ACYP2: variants seen among roughly 807,000 people sequenced by gnomAD.
ACYP2 encodes acylphosphatase-2.
In ACYP2, 12 loss-of-function variants were observed where a neutral mutation model predicts 11.2. That is an observed-to-expected ratio of 1.08 (90% CI 0.69 to 1.74). The LOEUF (loss-of-function observed/expected upper bound fraction) is 1.74. Among genes scored for constraint, ACYP2 ranks in the 40% most tolerant of loss-of-function variants. The probability of loss-of-function intolerance (pLI) is 0.00; values close to 1 mark genes in which losing one functional copy is unlikely to be tolerated. For missense variants in ACYP2, 134 were observed against 101.9 expected (o/e 1.31, Z -1.35); for synonymous variants, 43 against 32.2 (o/e 1.33, Z -1.13).
At chr2:54,250,365 C>G (rs764340441) in intron 6 of ACYP2, among the ~76,000 whole-genome samples, 9 of 150,600 alleles carry the variant, frequency 6.0e-5, no homozygotes, top group Admixed American at 2.7e-4. Flanking sequence ...CCCAGCTACT[C>G]AGGAGGCTGA....
intron 6 of ACYP2, among the ~76,000 whole-genome samples, chr2:54,176,977 A>G (rs1028252318): frequency 1.3e-5 from 2 of 152,166 alleles, no homozygotes; most frequent in Admixed American, 6.5e-5. Context: ...ACTCTTCCCA[A>G]GGGCACTTCA....
Position 54,304,780 on chromosome 2 carries a change from C to G in ACYP2, c.497C>G (p.Ser166Cys), listed in dbSNP as rs748746138. 15 of 1,605,288 alleles carry G rather than the reference C, an allele frequency of 9.3e-6. No individual in the cohort carries two copies. Among genetic ancestry groups the G allele is most frequent in the Non-Finnish European group, 1.2e-5 (14 of 1,174,320 alleles). The change falls in exon 7 of 7, where the codon TCT (serine) becomes TGT (cysteine). Residue 166 changes from serine to cysteine, a missense_variant. Ser to Cys is a moderately radical substitution (Grantham distance 112). Transcript: ENST00000607452. ...AAAACCATCTCTAAGCTTGAATACT[C>G]TAATTTTAGTATTAGATACTAATAG...
chr2:54,161,218 A>G (rs1199083860), intron 6 of ACYP2, among the ~76,000 whole-genome samples: 1 of 152,328 alleles, frequency 6.6e-6, no homozygotes, highest in African/African-American at 2.4e-5. Context: ...GATACAGCCA[A>G]TCTGCATATC....
At chr2:54,239,725 T>G (rs747798433) in intron 6 of ACYP2, among the ~76,000 whole-genome samples, 1 of 152,136 alleles carries the variant, frequency 6.6e-6, no homozygotes, top group Non-Finnish European at 1.5e-5. Context: ...TTTAATATGA[T>G]TCTTACTTTA....
At chr2:53,971,654 A>G (rs1671127607) in intron 1 of ACYP2, among the ~76,000 whole-genome samples, 1 of 152,232 alleles carries the variant, frequency 6.6e-6, no homozygotes, top group African/African-American at 2.4e-5. Context: ...CGTGAATTAC[A>G]AGATAATGCT....
At chr2:54,200,565 G>T (rs1371574774) in intron 6 of ACYP2, among the ~76,000 whole-genome samples, 1 of 151,990 alleles carries the variant, frequency 6.6e-6, no homozygotes, top group African/African-American at 2.4e-5. Flanking sequence ...TGTTTTCAAG[G>T]TTTATTCATG....
rs1289389458 is a variant in ACYP2 at position 54,015,872 on chromosome 2, C to G, written c.63-35086C>G. 2.6e-5 allele frequency among the ~76,000 whole-genome samples: 4 copies of G among 151,956 alleles called. No homozygotes were observed. In the East Asian group the frequency reaches 7.8e-4, roughly 29 times the overall value. On this transcript the variant is annotated intron_variant, in intron 2 of 6. Coordinates refer to ENST00000607452, the MANE Select transcript of ACYP2 (RefSeq NM_001320586.2). Reference sequence around the variant, plus strand: ...AGAGATGGGGTTTTGTTATGTTGACCAGGCTGATCTCCAAACTCCTGGCAT... The same window carrying G: ...AGAGATGGGGTTTTGTTATGTTGACGAGGCTGATCTCCAAACTCCTGGCAT...
At chr2:54,153,545 G>T in intron 6 of ACYP2, among the ~76,000 whole-genome samples, 1 of 144,006 alleles carries the variant, frequency 6.9e-6, no homozygotes, top group East Asian at 2.1e-4. Context: ...TCATTGAAAT[G>T]TTAATAGGGA....
rs1686004911 is a variant in ACYP2 at position 54,226,216 on chromosome 2, C to G, written c.405-78472C>G. Among the ~76,000 whole-genome samples, 3 of 152,108 alleles carry G rather than the reference C, an allele frequency of 2.0e-5. No individual in the cohort carries two copies. In the South Asian group the frequency reaches 6.2e-4, roughly 31 times the overall value. ...GGATGTCTTAAGAGGTGGAGGCAAT[C>G]CCATATTCAAAATTGAAAACAAAAA... is the stretch of plus-strand genomic sequence containing the variant. On this transcript the variant is annotated intron_variant, in intron 6 of 6. Coordinates refer to ENST00000607452, the MANE Select transcript of ACYP2 (RefSeq NM_001320586.2).
intron 2 of ACYP2, among the ~76,000 whole-genome samples, chr2:54,044,269 G>A (rs779723423): frequency 1.3e-4 from 20 of 152,126 alleles, no homozygotes; most frequent in Non-Finnish European, 2.8e-4. Context: ...CTGAATAAAG[G>A]TGCCAAGGGA....
In ACYP2 at chr2:54,054,529, C is replaced by T. The variant is rs115646405; in HGVS notation, c.156-2710C>T. 5.4e-3 allele frequency among the ~76,000 whole-genome samples: 817 copies of T among 152,220 alleles called. 3 individuals carry two copies. Among genetic ancestry groups the T allele is most frequent in the Admixed American group, 8.7e-3 (133 of 15,280 alleles). On this transcript the variant is annotated intron_variant, in intron 3 of 6. Coordinates refer to ENST00000607452, the MANE Select transcript of ACYP2 (RefSeq NM_001320586.2). ...CAAACAATGGGTCATTTTTGTCTCTCGATTTTACTTAGCTGTGGTTTGAAG... is the reference window on the plus strand; with the variant it reads ...CAAACAATGGGTCATTTTTGTCTCTTGATTTTACTTAGCTGTGGTTTGAAG...
At chr2:54,173,304 G>T (rs1488237445) in intron 6 of ACYP2, among the ~76,000 whole-genome samples, 1 of 152,218 alleles carries the variant, frequency 6.6e-6, no homozygotes, top group Non-Finnish European at 1.5e-5. Context: ...CAGTGATGAT[G>T]AGCATTTTTT....
intron 4 of ACYP2, among the ~76,000 whole-genome samples, chr2:54,059,206 C>CTTTCTT (rs933911780): frequency 9.9e-5 from 15 of 151,694 alleles, no homozygotes; most frequent in South Asian, 2.1e-4. Flanking sequence ...TTCTTTCTTT[C>CTTTCTT]TTTCTTTTTC....
At chr2:54,045,703 C>T (rs1324040523) in intron 2 of ACYP2, among the ~76,000 whole-genome samples, 1 of 152,034 alleles carries the variant, frequency 6.6e-6, no homozygotes, top group Non-Finnish European at 1.5e-5. Context: ...GTAGTCCCAG[C>T]TACTCGGGAG....
chr2:54,085,875 GTA>G (rs150582797), intron 4 of ACYP2, among the ~76,000 whole-genome samples: 1 of 151,488 alleles, frequency 6.6e-6, no homozygotes, highest in African/African-American at 2.4e-5. Flanking sequence ...GGAAAAATAT[GTA>G]TATATATATA....
chr2:54,121,179 C>T (rs1031176790), intron 4 of ACYP2, among the ~76,000 whole-genome samples: 12 of 152,154 alleles, frequency 7.9e-5, no homozygotes, highest in African/African-American at 2.9e-4. Flanking sequence ...GACAGAAAAG[C>T]TCTCGATAAA....
At chr2:54,092,480 G>T (rs1272891965) in intron 4 of ACYP2, among the ~76,000 whole-genome samples, 1 of 152,166 alleles carries the variant, frequency 6.6e-6, no homozygotes, top group Admixed American at 6.5e-5. Flanking sequence ...ACAGGGTTGG[G>T]TGACAAAGGG....
intron 2 of ACYP2, among the ~76,000 whole-genome samples, chr2:53,982,795 A>C (rs1381087924): frequency 6.7e-6 from 1 of 149,926 alleles, no homozygotes; most frequent in African/African-American, 2.5e-5. Flanking sequence ...CTTGATTTTC[A>C]CAACTTCCAT....
At chr2:54,004,405 T>TC (rs1672950861) in intron 2 of ACYP2, among the ~76,000 whole-genome samples, 1 of 65,860 alleles carries the variant, frequency 1.5e-5, no homozygotes, top group Non-Finnish European at 2.9e-5. Flanking sequence ...TAGTTTAGCC[T>TC]TTTTTTTTTT....
Sources: gnomAD v4.1 joint callset for allele counts (sites outside exome capture counted in the v4.1 genomes callset) on GRCh38, gnomAD v4.1.1 for gene constraint, MANE v1.5 for transcripts, NCBI Gene and HGNC (gene_info 2026-07-23, HGNC 2026-07-21) for gene names.